The following LYPLA1 variants were observed in gnomAD, a reference collection of about 807,000 sequenced individuals.
LYPLA1 encodes acyl-protein thioesterase 1.
Under a neutral mutation model 34.0 loss-of-function variants are expected in LYPLA1, and 17 were observed. The observed-to-expected ratio is 0.50, with a 90% confidence interval of 0.34 to 0.75. The LOEUF is 0.75. LYPLA1 is among the 30% of genes least tolerant of loss of function. The pLI is 0.01. For missense variants in LYPLA1, 203 were observed against 288.8 expected (o/e 0.70, Z 2.15); for synonymous variants, 98 against 100.8 (o/e 0.97, Z 0.17).
Position 54,100,943 on chromosome 8 carries a change from T to G in LYPLA1, c.70-4A>C. The G allele has an allele frequency of 6.2e-7, 1 of 1,608,146 alleles. No homozygotes were observed. The highest frequency in any genetic ancestry group is 8.5e-7 in the Non-Finnish European group (1 of 1,174,724). On this transcript the variant is annotated splice_polypyrimidine_tract_variant and splice_region_variant and intron_variant, in intron 1 of 8. Coordinates refer to ENST00000316963, the MANE Select transcript of LYPLA1 (RefSeq NM_006330.4). ...CCAATCCATGCAGGAAAATCACCTATAAGAGAAGAGGAAAATTAATAAGCA... is the reference window on the plus strand; with the variant it reads ...CCAATCCATGCAGGAAAATCACCTAGAAGAGAAGAGGAAAATTAATAAGCA...
chr8:54,081,557 C>A (rs1808321830), intron 2 of LYPLA1, among the ~76,000 whole-genome samples: 1 of 152,050 alleles, frequency 6.6e-6, no homozygotes, highest in African/African-American at 2.4e-5. Context: ...AAGCGATTCT[C>A]CTACCTCAGC....
intron 2 of LYPLA1, among the ~76,000 whole-genome samples, chr8:54,078,113 G>A (rs1008287277): frequency 4.6e-5 from 7 of 151,844 alleles, no homozygotes; most frequent in Non-Finnish European, 8.8e-5. Context: ...ACCACGCCCT[G>A]CTAATTTTTT....
intron 2 of LYPLA1, among the ~76,000 whole-genome samples, chr8:54,090,907 T>C (rs530895849): frequency 6.6e-6 from 1 of 152,294 alleles, no homozygotes; most frequent in East Asian, 1.9e-4. Flanking sequence ...CGCTCAGCTC[T>C]CATTTCTCTC....
chr8:54,073,399 A>G, intron 2 of LYPLA1: 1 of 779,872 alleles, frequency 1.3e-6, no homozygotes, highest in Non-Finnish European at 2.4e-6. Context: ...TTCCATTTGT[A>G]AATGCTGGCA....
At chr8:54,091,435 C>T (rs544162567) in intron 2 of LYPLA1, among the ~76,000 whole-genome samples, 3 of 150,406 alleles carry the variant, frequency 2.0e-5, no homozygotes, top group East Asian at 2.0e-4. Context: ...TGCAGTGAGC[C>T]GAGATCACGC....
intron 2 of LYPLA1, 151 bp downstream of exon 2, chr8:54,100,756 TC>T (rs1810068924): frequency 1.5e-6 from 1 of 651,278 alleles, no homozygotes; most frequent in African/African-American, 1.9e-5. Context: ...CTGAGGGTTT[TC>T]AAAACATAAA....
At chr8:54,081,502 G>C (rs1023255646) in intron 2 of LYPLA1, among the ~76,000 whole-genome samples, 26 of 151,966 alleles carry the variant, frequency 1.7e-4, no homozygotes, top group African/African-American at 6.0e-4. Context: ...CCAGGATGGA[G>C]TGCAGCCTGT....
At chr8:54,078,217 G>A (rs1021056384) in intron 2 of LYPLA1, among the ~76,000 whole-genome samples, 3 of 152,062 alleles carry the variant, frequency 2.0e-5, no homozygotes, top group African/African-American at 7.2e-5. Context: ...CTCCCAAAGT[G>A]CCAGGATTAC....
intron 2 of LYPLA1, among the ~76,000 whole-genome samples, chr8:54,084,248 G>T (rs1808541237): frequency 1.4e-5 from 2 of 147,964 alleles, no homozygotes; most frequent in Middle Eastern, 3.5e-3. Flanking sequence ...TAAACAGAAA[G>T]AAGAAAATAA....
chr8:54,057,015 A>G (rs1806252025), intron 5 of LYPLA1, among the ~76,000 whole-genome samples: 2 of 152,158 alleles, frequency 1.3e-5, no homozygotes, highest in African/African-American at 4.8e-5. Flanking sequence ...GCCCAACATC[A>G]CTGATCGCCA....
intron 5 of LYPLA1, among the ~76,000 whole-genome samples, chr8:54,055,965 A>G (rs903014469): frequency 2.6e-5 from 4 of 152,150 alleles, no homozygotes; most frequent in South Asian, 2.1e-4. Flanking sequence ...TGGAATCACG[A>G]AAGACTCAGA....
chr8:54,073,351 G>A (rs1586128540), intron 2 of LYPLA1: 3 of 824,382 alleles, frequency 3.6e-6, no homozygotes, highest in East Asian at 4.8e-5. Flanking sequence ...AGAGAACTGT[G>A]GGTCTGTGCC....
intron 2 of LYPLA1, 123 bp downstream of exon 2, chr8:54,100,785 T>A: frequency 1.3e-6 from 1 of 790,594 alleles, no homozygotes; most frequent in Admixed American, 2.2e-5. Flanking sequence ...CACTGTAAGA[T>A]ACATTAACTG....
chr8:54,051,918 G>A (rs951449042), intron 7 of LYPLA1, among the ~76,000 whole-genome samples: 1 of 149,172 alleles, frequency 6.7e-6, no homozygotes, highest in Non-Finnish European at 1.5e-5. Flanking sequence ...TGGCACAATC[G>A]TGGCTCACTG....
intron 5 of LYPLA1, 143 bp from the exon 6 acceptor site, chr8:54,055,276 A>C (rs898652429): frequency 6.9e-6 from 4 of 577,738 alleles, no homozygotes; most frequent in Non-Finnish European, 9.2e-6. Flanking sequence ...ACTTCATTAA[A>C]ATACAAAATT....
In LYPLA1 at chr8:54,055,218, G is replaced by C. The variant is rs1475514046; in HGVS notation, c.287-85C>G. On this transcript the variant is annotated intron_variant, in intron 5 of 8. Transcript: ENST00000316963. ...TTAAATTAGGAAAAAATTAGTAATA[G>C]AAAAGCGCAATTACTTTTAAGGTGG... The C allele has an allele frequency of 5.5e-6, 4 of 728,632 alleles. No homozygotes were observed. The African/African-American group carries it at 7.2e-5, about 13-fold the overall frequency. The allele number at this position is 728,632 out of a possible 1,614,324, so 45.1% of individuals were successfully genotyped here.
At chr8:54,101,619 T>C (rs1810164283) in intron 1 of LYPLA1, 136 bp downstream of exon 1, 1 of 1,138,490 alleles carries the variant, frequency 8.8e-7, no homozygotes, top group Non-Finnish European at 1.1e-6. Context: ...GCGCGGACCA[T>C]TCGCACCCCA....
At chr8:54,084,141 A>AATAT (rs760476706) in intron 2 of LYPLA1, among the ~76,000 whole-genome samples, 1,200 of 118,582 alleles carry the variant, frequency 0.01, 18 homozygotes, top group South Asian at 0.016. Flanking sequence ...AAAATAAATA[A>AATAT]ATATATATAT....
At position 54,058,143 on chromosome 8, in the gene LYPLA1, G is replaced by C. The variant is rs1247705900; in HGVS notation, c.287-3010C>G. Among the ~76,000 whole-genome samples the C allele has an allele frequency of 2.6e-5, 4 of 152,094 alleles. No individual in the cohort carries two copies. The East Asian group carries it at 7.7e-4, about 29-fold the overall frequency. On this transcript the variant is annotated intron_variant, in intron 5 of 8. Coordinates refer to ENST00000316963, the MANE Select transcript of LYPLA1 (RefSeq NM_006330.4). ...ACCTAAAAGTTGTCATTTTAAAATT[G>C]TACGTAGTTAAGTGTTTAAAATTGT...
Sources: gnomAD v4.1 joint callset for allele counts (sites outside exome capture counted in the v4.1 genomes callset) on GRCh38, gnomAD v4.1.1 for gene constraint, MANE v1.5 for transcripts, NCBI Gene and HGNC (gene_info 2026-07-23, HGNC 2026-07-21) for gene names.